Variants in AGAP1 observed in about 807,000 individuals in gnomAD.
AGAP1 encodes the protein ArfGAP with GTPase domain, ankyrin repeat and PH domain 1.
In AGAP1, 29 loss-of-function variants were observed where a neutral mutation model predicts 105.3. The ratio of observed to expected loss-of-function variants is 0.28; its 90% CI spans 0.21 to 0.38. The LOEUF is 0.38. Among genes scored for constraint, AGAP1 ranks in the 10% least tolerant of loss-of-function variants. The pLI is 1.00. For missense variants in AGAP1, 998 were observed against 1,165.1 expected (o/e 0.86, Z 2.09); for synonymous variants, 509 against 485.9 (o/e 1.05, Z -0.63).
Position 235,639,512 on chromosome 2 carries a change from G to T in AGAP1, c.164-69667G>T, listed in dbSNP as rs139062999. Among the ~76,000 whole-genome samples, 174 of 152,244 alleles carry T rather than the reference G, an allele frequency of 1.1e-3. 1 individual carries two copies. The highest frequency in any genetic ancestry group is 3.6e-3 in the African/African-American group (149 of 41,546). On this transcript the variant is annotated intron_variant, in intron 1 of 17. Transcript: ENST00000304032. The surrounding 1 kb of genome is among the most constrained non-coding windows in gnomAD (Gnocchi z 5.3). ...GCGACTGTTGGCTGGTGAGGATGAG[G>T]CTCATGAACAGATGTGGAAACATCG...
intron 6 of AGAP1, among the ~76,000 whole-genome samples, chr2:235,763,314 T>A (rs1167864227): frequency 1.3e-5 from 2 of 151,510 alleles, no homozygotes; most frequent in East Asian, 3.9e-4. Context: ...AAAAAAAAAA[T>A]TAAAACACCC....
In AGAP1 at chr2:235,780,653, T is replaced by C. The variant is rs547298956; in HGVS notation, c.674-17106T>C. Among the ~76,000 whole-genome samples, 163 of 152,354 alleles carry C rather than the reference T, an allele frequency of 1.1e-3. 1 individual carries two copies. The highest frequency in any genetic ancestry group is 1.9e-3 in the Non-Finnish European group (130 of 68,036). Reference sequence around the variant, plus strand: ...GAAATTTATAGTCCTTGGTGATTGATAGGATTACTGCCTAGGCATTAATTG... The same window carrying C: ...GAAATTTATAGTCCTTGGTGATTGACAGGATTACTGCCTAGGCATTAATTG... On this transcript the variant is annotated intron_variant, in intron 6 of 17. Coordinates refer to ENST00000304032, the MANE Select transcript of AGAP1 (RefSeq NM_001037131.3).
Position 236,036,785 on chromosome 2 carries a change from C to T in AGAP1, c.1800+70C>T. On this transcript the variant is annotated intron_variant, in intron 14 of 17. Coordinates refer to ENST00000304032, the MANE Select transcript of AGAP1 (RefSeq NM_001037131.3). The surrounding 1 kb of genome is among the most constrained non-coding windows in gnomAD (Gnocchi z 5.7). ...GGGAGTGCGGGCCCCAAGTAATGCCCCAGGGAGGAGAAAATAGAGGACCAG... is the reference window on the plus strand; with the variant it reads ...GGGAGTGCGGGCCCCAAGTAATGCCTCAGGGAGGAGAAAATAGAGGACCAG... 3 of 1,580,026 alleles carry T rather than the reference C, an allele frequency of 1.9e-6. No homozygotes were observed. Among genetic ancestry groups the T allele is most frequent in the Non-Finnish European group, 2.6e-6 (3 of 1,167,554 alleles).
intron 16 of AGAP1, among the ~76,000 whole-genome samples, chr2:236,108,577 C>T (rs2059561448): frequency 6.6e-6 from 1 of 152,172 alleles, no homozygotes; most frequent in Non-Finnish European, 1.5e-5. Context: ...GTGGCGGGCA[C>T]ACAGACGCAA....
At chr2:235,628,736 C>T (rs1378615782) in intron 1 of AGAP1, among the ~76,000 whole-genome samples, 2 of 152,130 alleles carry the variant, frequency 1.3e-5, no homozygotes, top group African/African-American at 4.8e-5. Flanking sequence ...GCAGTGTACA[C>T]TGCACCCTAT....
In AGAP1 at chr2:236,090,513, T is replaced by C. The variant is rs1389043910; in HGVS notation, c.2115-29679T>C. 6.6e-6 allele frequency among the ~76,000 whole-genome samples: 1 copy of C among 152,164 alleles called. No individual in the cohort carries two copies. The highest frequency in any genetic ancestry group is 2.4e-5 in the African/African-American group (1 of 41,426). On this transcript the variant is annotated intron_variant, in intron 16 of 17. Transcript: ENST00000304032. This position sits in a 1 kb window ranked among gnomAD's most constrained non-coding sequence, Gnocchi z 4.3. ...ACTGTGAAGGGAGGGAACAGAGGCA[T>C]GGAAAAGCAAACGGGCTTTGCCAAG... is the stretch of plus-strand genomic sequence containing the variant.
intron 13 of AGAP1, among the ~76,000 whole-genome samples, chr2:236,015,927 C>G (rs1041874994): frequency 9.2e-5 from 14 of 152,210 alleles, no homozygotes; most frequent in African/African-American, 2.7e-4. Flanking sequence ...ACAAGTCCCT[C>G]TCTTCACATC....
intron 9 of AGAP1, among the ~76,000 whole-genome samples, chr2:235,851,124 G>A (rs1205518019): frequency 6.6e-6 from 1 of 152,270 alleles, no homozygotes; most frequent in Non-Finnish European, 1.5e-5. Context: ...ACAGCCCAGT[G>A]TTAGCCTTGG....
rs1374636472 is a variant in AGAP1, at chr2:235,720,424, C to T, written c.310+2780C>T. Among the ~76,000 whole-genome samples the T allele has an allele frequency of 6.6e-6, 1 of 152,102 alleles. No homozygotes were observed. The highest frequency in any genetic ancestry group is 2.4e-5 in the African/African-American group (1 of 41,428). ...GACAAAGCTGATGATGGCCCAGCCTCACCTGTGGTTACTTACCCACACAAA... is the reference window on the plus strand; with the variant it reads ...GACAAAGCTGATGATGGCCCAGCCTTACCTGTGGTTACTTACCCACACAAA... On this transcript the variant is annotated intron_variant, in intron 3 of 17. Transcript: ENST00000304032. This position sits in a 1 kb window ranked among gnomAD's most constrained non-coding sequence, Gnocchi z 5.0.
chr2:235,896,667 G>C (rs369971213), intron 10 of AGAP1, among the ~76,000 whole-genome samples: 1 of 152,204 alleles, frequency 6.6e-6, no homozygotes. Flanking sequence ...GCACCTGGGT[G>C]ACCTGGGAAA....
chr2:235,793,329 C>T lies in AGAP1; in HGVS notation c.674-4430C>T, dbSNP rs145375966. On this transcript the variant is annotated intron_variant, in intron 6 of 17. Coordinates refer to ENST00000304032, the MANE Select transcript of AGAP1 (RefSeq NM_001037131.3). The surrounding 1 kb of genome is among the most constrained non-coding windows in gnomAD (Gnocchi z 5.3). ...CACCTCCTGTGTGCCAGTCACCACA[C>T]TCAGTCCTTTTCAGCATTTTGTTTA... Among the ~76,000 whole-genome samples, 1 of 152,308 alleles carries T rather than the reference C, an allele frequency of 6.6e-6. No homozygotes were observed. The highest frequency in any genetic ancestry group is 1.9e-4 in the East Asian group (1 of 5,158).
In AGAP1 at chr2:235,979,601, A is replaced by G. The variant is rs1016440766; in HGVS notation, c.1645+10978A>G. On this transcript the variant is annotated intron_variant, in intron 13 of 17. Coordinates refer to ENST00000304032, the MANE Select transcript of AGAP1 (RefSeq NM_001037131.3). The surrounding 1 kb of genome is among the most constrained non-coding windows in gnomAD (Gnocchi z 4.5). ...GTGGAGCCAGTGAAAGAACAGGCGC[A>G]GCGAACGTTCCGGCAGGCATTGCCG... is the stretch of plus-strand genomic sequence containing the variant. 6.6e-6 allele frequency among the ~76,000 whole-genome samples: 1 copy of G among 152,190 alleles called. No homozygotes were observed. The highest frequency in any genetic ancestry group is 1.5e-5 in the Non-Finnish European group (1 of 68,034).
chr2:235,941,686 T>C (rs2053263674), intron 12 of AGAP1, among the ~76,000 whole-genome samples: 1 of 152,128 alleles, frequency 6.6e-6, no homozygotes, highest in Non-Finnish European at 1.5e-5. Flanking sequence ...TAGCGCTTTA[T>C]CGTATGCAGT....
chr2:235,500,595 C>G (rs541023805), intron 1 of AGAP1, among the ~76,000 whole-genome samples: 2 of 152,184 alleles, frequency 1.3e-5, no homozygotes, highest in Non-Finnish European at 2.9e-5. Context: ...GGTGAAGACA[C>G]CTAAGGCCAG....
rs1047794730 is a variant in AGAP1 at position 235,733,995 on chromosome 2, T to C, written c.311-6968T>C. 2.0e-5 allele frequency among the ~76,000 whole-genome samples: 3 copies of C among 152,220 alleles called. No homozygotes were observed. Among genetic ancestry groups the C allele is most frequent in the African/African-American group, 7.2e-5 (3 of 41,460 alleles). On this transcript the variant is annotated intron_variant, in intron 3 of 17. Transcript: ENST00000304032. The surrounding 1 kb of genome is among the most constrained non-coding windows in gnomAD (Gnocchi z 5.0). ...ACAAAACTTTTCCAAAACCCCAACA[T>C]TAGTGACTGACTTCAGTATTTTTAT... is the stretch of plus-strand genomic sequence containing the variant.
rs754151145 is a variant in AGAP1 at position 235,970,301 on chromosome 2, G to A, written c.1645+1678G>A. ...AGCGATGGTGGAAAATAATGGTTAT[G>A]GGTCAGAGCAGCCACAGATGCCACT... On this transcript the variant is annotated intron_variant, in intron 13 of 17. Coordinates refer to ENST00000304032, the MANE Select transcript of AGAP1 (RefSeq NM_001037131.3). The surrounding 1 kb of genome is among the most constrained non-coding windows in gnomAD (Gnocchi z 5.4). Among the ~76,000 whole-genome samples the A allele has an allele frequency of 6.6e-6, 1 of 152,042 alleles. No individual in the cohort carries two copies. Among genetic ancestry groups the A allele is most frequent in the Non-Finnish European group, 1.5e-5 (1 of 68,010 alleles).
chr2:235,861,285 G>C (rs1254872171), intron 9 of AGAP1, among the ~76,000 whole-genome samples: 1 of 152,210 alleles, frequency 6.6e-6, no homozygotes, highest in African/African-American at 2.4e-5. Context: ...ATGGTAATTG[G>C]CACTTGGGAA....
chr2:235,672,600 GTCA>G (rs1322427840), intron 1 of AGAP1, among the ~76,000 whole-genome samples: 1 of 152,224 alleles, frequency 6.6e-6, no homozygotes, highest in Non-Finnish European at 1.5e-5. Flanking sequence ...AGTTGCTCCT[GTCA>G]TCATTGGCTT....
intron 17 of AGAP1, among the ~76,000 whole-genome samples, chr2:236,122,234 A>G (rs181443568): frequency 2.3e-4 from 35 of 152,302 alleles, no homozygotes; most frequent in Non-Finnish European, 5.9e-5. Context: ...TACAGGTATC[A>G]GCCTCCCAGC....
Sources: gnomAD v4.1 joint callset for allele counts (sites outside exome capture counted in the v4.1 genomes callset) on GRCh38, gnomAD v4.1.1 for gene constraint, Gnocchi (gnomAD v3.1) non-coding constraint, MANE v1.5 for transcripts, NCBI Gene and HGNC (gene_info 2026-07-23, HGNC 2026-07-21) for gene names.